RBFOX1: variants seen among roughly 807,000 people sequenced by gnomAD.
RBFOX1 encodes RNA binding fox-1 homolog 1.
In RBFOX1, 8 loss-of-function variants were observed where a neutral mutation model predicts 57.7. That is an observed-to-expected ratio of 0.14 (90% CI 0.08 to 0.25). The LOEUF (loss-of-function observed/expected upper bound fraction) is 0.25. RBFOX1 is among the 10% of genes least tolerant of loss of function. RBFOX1 has a pLI of 1.00. For missense variants in RBFOX1, 611 were observed against 548.5 expected, an observed-to-expected ratio of 1.11 and a Z score of -1.14; for synonymous variants, 326 against 222.4, an observed-to-expected ratio of 1.47 and a Z score of -4.15.
intron 4 of RBFOX1, among the ~76,000 whole-genome samples, chr16:7,420,598 C>A (rs895975995): frequency 6.6e-6 from 1 of 151,022 alleles, no homozygotes; most frequent in African/African-American, 2.4e-5. Flanking sequence ...TTTTTTCTTT[C>A]CCTTTCTGAT....
intron 2 of RBFOX1, among the ~76,000 whole-genome samples, chr16:6,629,366 G>C (rs1282559648): frequency 6.6e-6 from 1 of 152,172 alleles, no homozygotes; most frequent in Non-Finnish European, 1.5e-5. Context: ...GTTTAATTGA[G>C]GATGTTTAAC....
At chr16:6,103,723 T>G (rs937326864) in intron 1 of RBFOX1, among the ~76,000 whole-genome samples, 5 of 152,100 alleles carry the variant, frequency 3.3e-5, no homozygotes, top group African/African-American at 4.8e-5. Context: ...GGAGTGGACA[T>G]TCCTCACTTC....
At chr16:5,517,504 A>G (rs185962552) in intron 2 of RBFOX1, among the ~76,000 whole-genome samples, 6 of 152,306 alleles carry the variant, frequency 3.9e-5, no homozygotes, top group African/African-American at 1.4e-4. Flanking sequence ...AAAATCCCAG[A>G]AGAGAGAATT....
At chr16:6,610,975 C>G (rs1304523451) in intron 2 of RBFOX1, among the ~76,000 whole-genome samples, 2 of 152,134 alleles carry the variant, frequency 1.3e-5, no homozygotes, top group African/African-American at 4.8e-5. Flanking sequence ...CACTTAGCAG[C>G]AACTTTTTCC....
At chr16:7,041,866 C>G (rs957908177) in intron 3 of RBFOX1, among the ~76,000 whole-genome samples, 1 of 152,094 alleles carries the variant, frequency 6.6e-6, no homozygotes, top group Admixed American at 6.5e-5. Context: ...CTTAGTAATT[C>G]TTATAGATTA....
intron 4 of RBFOX1, among the ~76,000 whole-genome samples, chr16:7,091,165 T>G (rs937831338): frequency 6.6e-6 from 1 of 152,210 alleles, no homozygotes; most frequent in African/African-American, 2.4e-5. Context: ...AATAACTCTT[T>G]CCATTTTATT....
chr16:5,615,191 C>T (rs531186209), intron 3 of RBFOX1, among the ~76,000 whole-genome samples: 51 of 152,294 alleles, frequency 3.3e-4, no homozygotes, highest in Non-Finnish European at 4.4e-4. Flanking sequence ...CATGCTCCCA[C>T]ATCTGGCTAT....
At chr16:6,833,770 T>C (rs761252686) in intron 3 of RBFOX1, among the ~76,000 whole-genome samples, 7 of 152,158 alleles carry the variant, frequency 4.6e-5, no homozygotes, top group African/African-American at 9.6e-5. Context: ...GAAGGTTCAT[T>C]GAAGGTCTCT....
chr16:5,358,484 A>C (rs1329045113), intron 1 of RBFOX1, among the ~76,000 whole-genome samples: 9 of 152,192 alleles, frequency 5.9e-5, no homozygotes, highest in African/African-American at 1.7e-4. Context: ...GTTTTGGTAC[A>C]GGCATGCAAT....
chr16:5,524,793 G>C (rs994333150), intron 2 of RBFOX1, among the ~76,000 whole-genome samples: 4 of 151,824 alleles, frequency 2.6e-5, no homozygotes, highest in Non-Finnish European at 5.9e-5. Context: ...TTCCAGTCTC[G>C]GCCTCCCGAA....
intron 4 of RBFOX1, among the ~76,000 whole-genome samples, chr16:7,200,795 A>T (rs1284464556): frequency 6.6e-6 from 1 of 152,180 alleles, no homozygotes; most frequent in Non-Finnish European, 1.5e-5. Flanking sequence ...AATAGGGACT[A>T]ACTCATCGTG....
intron 4 of RBFOX1, among the ~76,000 whole-genome samples, chr16:7,263,936 A>AC (rs2095030338): frequency 6.8e-6 from 1 of 147,214 alleles, no homozygotes; most frequent in Non-Finnish European, 1.5e-5. Flanking sequence ...AAAAAAAAAA[A>AC]CAAGTAGAAG....
chr16:5,536,105 C>CA (rs1391194294), intron 2 of RBFOX1, among the ~76,000 whole-genome samples: 1 of 149,934 alleles, frequency 6.7e-6, no homozygotes, highest in African/African-American at 2.4e-5. Context: ...GCCCCCCCCC[C>CA]CTTTTTTTTC....
chr16:7,344,941 C>T (rs1273712763), intron 4 of RBFOX1, among the ~76,000 whole-genome samples: 2 of 152,018 alleles, frequency 1.3e-5, no homozygotes, highest in African/African-American at 2.4e-5. Flanking sequence ...TCAGTTTTTC[C>T]CCCACTGTCT....
In RBFOX1 at chr16:6,859,193, A is replaced by ATG. The variant is rs2058564749; in HGVS notation, c.-15-192863_-15-192862insGT. ...TATATATGTATATATATGTATATAT[A>ATG]TATGTATATATATATATACAAAAAT... is the stretch of plus-strand genomic sequence containing the variant. On this transcript the variant is annotated intron_variant, in intron 3 of 15. Transcript: ENST00000550418. Among the ~76,000 whole-genome samples, 8 of 105,170 alleles carry ATG rather than the reference A, an allele frequency of 7.6e-5. 1 individual carries two copies. Among genetic ancestry groups the ATG allele is most frequent in the Admixed American group, 2.8e-4 (3 of 10,572 alleles). 69.0% of individuals were successfully genotyped at this position (105,170 alleles called of 152,430 possible).
intron 4 of RBFOX1, among the ~76,000 whole-genome samples, chr16:7,064,046 G>A (rs1426207424): frequency 6.6e-6 from 1 of 151,948 alleles, no homozygotes; most frequent in Non-Finnish European, 1.5e-5. Context: ...ATACATGGAA[G>A]TTCTAGCCTC....
chr16:6,173,767 G>A (rs576187200), intron 1 of RBFOX1, among the ~76,000 whole-genome samples: 32 of 152,152 alleles, frequency 2.1e-4, no homozygotes, highest in South Asian at 6.2e-4. Context: ...ATGGCACCAT[G>A]CCCAGCTAAT....
At chr16:7,341,776 C>CCTTCCTTCCTTCCT (rs1555741398) in intron 4 of RBFOX1, among the ~76,000 whole-genome samples, 9 of 95,196 alleles carry the variant, frequency 9.5e-5, no homozygotes, top group South Asian at 5.6e-4. Flanking sequence ...CCCTCCCTCC[C>CCTTCCTTCCTTCCT]TCCTTCCTTC....
intron 3 of RBFOX1, among the ~76,000 whole-genome samples, chr16:6,980,325 C>G (rs943768444): frequency 1.3e-5 from 2 of 152,136 alleles, no homozygotes; most frequent in African/African-American, 2.4e-5. Context: ...ATTACCTATT[C>G]GTTTTTTGTT....
Sources: allele counts gnomAD v4.1 joint callset (sites outside exome capture counted in the v4.1 genomes callset), GRCh38; gene constraint gnomAD v4.1.1; transcripts MANE v1.5; gene names NCBI Gene and HGNC (gene_info 2026-07-23, HGNC 2026-07-21).